The following CBFA2T2 variants were observed in gnomAD, a reference collection of about 807,000 sequenced individuals.
CBFA2T2 encodes the protein CBFA2/RUNX1 partner transcriptional co-repressor 2.
A neutral mutation model predicts 62.2 loss-of-function variants in CBFA2T2; 11 were observed. That is an observed-to-expected ratio of 0.18 (90% CI 0.11 to 0.29). The LOEUF (loss-of-function observed/expected upper bound fraction) is 0.29. Ranked by LOEUF, CBFA2T2 falls within the 10% of genes least tolerant of loss-of-function variation. The pLI is 1.00. For missense variants in CBFA2T2, 592 were observed against 774.1 expected, an observed-to-expected ratio of 0.76 and a Z score of 2.79; for synonymous variants, 295 against 287.5, an observed-to-expected ratio of 1.03 and a Z score of -0.27.
intron 1 of CBFA2T2, among the ~76,000 whole-genome samples, chr20:33,534,230 A>ACTTACCATCTATATAT (rs1486092479): frequency 1.3e-5 from 2 of 152,176 alleles, no homozygotes; most frequent in African/African-American, 4.8e-5. Context: ...ATTTTCAAGT[A>ACTTACCATCTATATAT]CTTACCATCT....
chr20:33,616,490 G>A (rs2015717587), intron 3 of CBFA2T2, among the ~76,000 whole-genome samples: 1 of 152,160 alleles, frequency 6.6e-6, no homozygotes, highest in Non-Finnish European at 1.5e-5. Context: ...CCTTTGGGAA[G>A]CCAAGTTGGA....
Position 33,640,671 on chromosome 20 carries a change from G to T in CBFA2T2, c.1488+140G>T, listed in dbSNP as rs150069573. The stretch of plus-strand genomic sequence containing the variant: ...GGATAATTTTTATCCAGTGCCAGGA[G>T]AGTTTTGGTTCTCATGCTAAGACTC... On this transcript the variant is annotated intron_variant, in intron 10 of 10. Transcript: ENST00000342704. 3,188 of 710,468 alleles carry T rather than the reference G, an allele frequency of 4.5e-3. 14 individuals are homozygous for T. The highest frequency in any genetic ancestry group is 0.012 in the Middle Eastern group (30 of 2,464). The allele number at this position is 710,468 out of a possible 1,614,324, so 44.0% of individuals were successfully genotyped here. A position where few individuals can be genotyped will look rare whatever the true frequency, so the allele number is the denominator to read the frequency against.
chr20:33,609,057 A>G (rs2015433548), intron 2 of CBFA2T2, among the ~76,000 whole-genome samples: 1 of 152,226 alleles, frequency 6.6e-6, no homozygotes, highest in Non-Finnish European at 1.5e-5. Flanking sequence ...TGAATCATTC[A>G]GCAGCATTTT....
intron 1 of CBFA2T2, among the ~76,000 whole-genome samples, chr20:33,517,234 G>C (rs896184848): frequency 6.6e-6 from 1 of 152,166 alleles, no homozygotes; most frequent in African/African-American, 2.4e-5. Flanking sequence ...GTGAAGTTCA[G>C]TTCTGTAACT....
intron 3 of CBFA2T2, among the ~76,000 whole-genome samples, chr20:33,619,204 A>G (rs6088265): frequency 1.3e-5 from 2 of 152,122 alleles, no homozygotes; most frequent in Non-Finnish European, 1.5e-5. Context: ...GCGAGACTGC[A>G]TCTCTACTAA....
intron 4 of CBFA2T2, among the ~76,000 whole-genome samples, chr20:33,619,935 T>C (rs1429545528): frequency 2.0e-5 from 3 of 152,020 alleles, no homozygotes; most frequent in Non-Finnish European, 4.4e-5. Context: ...TCACTAATCC[T>C]TTGGGTATAG....
rs3051488 is a variant in CBFA2T2, at chr20:33,534,324, TTTTG to T, written c.34+44036_34+44039del. On this transcript the variant is annotated intron_variant, in intron 1 of 10. Transcript: ENST00000342704. ...TTGTTTATTTTCTTGCTGTTGAGGT[TTTTG>T]TTTGTTTGTTTGAGACAGTCTCACT... Among the ~76,000 whole-genome samples, 11 of 151,968 alleles carry T rather than the reference TTTTG, an allele frequency of 7.2e-5. No homozygotes were observed. In the East Asian group the frequency reaches 9.6e-4, roughly 13 times the overall value.
chr20:33,534,864 T>A (rs908177346), intron 1 of CBFA2T2, among the ~76,000 whole-genome samples: 30 of 146,192 alleles, frequency 2.1e-4, no homozygotes, highest in African/African-American at 6.6e-4. Context: ...AATAGTAATA[T>A]CAAAGATCAC....
intron 1 of CBFA2T2, among the ~76,000 whole-genome samples, chr20:33,492,135 G>C (rs1050415192): frequency 3.9e-5 from 6 of 152,052 alleles, no homozygotes; most frequent in African/African-American, 1.4e-4. Flanking sequence ...ATCTGCCTCA[G>C]CCTCTCAAAG....
At chr20:33,572,619 G>C (rs1389610800) in intron 1 of CBFA2T2, among the ~76,000 whole-genome samples, 1 of 152,156 alleles carries the variant, frequency 6.6e-6, no homozygotes, top group African/African-American at 2.4e-5. Context: ...CAGTGCAAAG[G>C]CTCAATGATG....
At chr20:33,579,549 C>A (rs1416363743) in intron 1 of CBFA2T2, among the ~76,000 whole-genome samples, 1 of 148,256 alleles carries the variant, frequency 6.7e-6, no homozygotes, top group Non-Finnish European at 1.5e-5. Flanking sequence ...CAACCCATCA[C>A]GAATCTTTTT....
chr20:33,585,490 T>G (rs1025943607), intron 1 of CBFA2T2, among the ~76,000 whole-genome samples: 1 of 152,188 alleles, frequency 6.6e-6, no homozygotes, highest in Admixed American at 6.5e-5. Flanking sequence ...AATTACAATT[T>G]TTAATGCCTT....
chr20:33,532,398 A>C (rs2012086789), intron 1 of CBFA2T2, among the ~76,000 whole-genome samples: 1 of 152,208 alleles, frequency 6.6e-6, no homozygotes, highest in Non-Finnish European at 1.5e-5. Flanking sequence ...GGGGTAGGGA[A>C]TGATCTCTGA....
intron 1 of CBFA2T2, among the ~76,000 whole-genome samples, chr20:33,586,886 G>A (rs2014391533): frequency 6.6e-6 from 1 of 152,078 alleles, no homozygotes; most frequent in Non-Finnish European, 1.5e-5. Flanking sequence ...ATATTGGAGA[G>A]TTTCATAGAA....
At chr20:33,514,215 T>TG (rs1371279763) in intron 1 of CBFA2T2, among the ~76,000 whole-genome samples, 6 of 127,260 alleles carry the variant, frequency 4.7e-5, no homozygotes, top group African/African-American at 9.0e-5. Flanking sequence ...TGTTTTTTTT[T>TG]TTTTTTTTTT....
intron 1 of CBFA2T2, among the ~76,000 whole-genome samples, chr20:33,524,745 A>G (rs1298568735): frequency 6.6e-6 from 1 of 152,220 alleles, no homozygotes; most frequent in Non-Finnish European, 1.5e-5. Flanking sequence ...GCACTCAGGT[A>G]ATAGTATGGT....
At chr20:33,528,950 G>A (rs1455248107) in intron 1 of CBFA2T2, among the ~76,000 whole-genome samples, 1 of 152,194 alleles carries the variant, frequency 6.6e-6, no homozygotes, top group African/African-American at 2.4e-5. Flanking sequence ...CAATTGGCTG[G>A]TGTGAGGAAG....
In CBFA2T2 at chr20:33,504,152, G is replaced by A. The variant is rs938580291; in HGVS notation, c.34+13851G>A. ...AGTATGTAACCTTTGTGTCTGATGTGTTTCACTTACCATAATGCTTTTGAG... is the reference window on the plus strand; with the variant it reads ...AGTATGTAACCTTTGTGTCTGATGTATTTCACTTACCATAATGCTTTTGAG... On this transcript the variant is annotated intron_variant, in intron 1 of 10. Transcript: ENST00000342704. Among the ~76,000 whole-genome samples the A allele has an allele frequency of 3.3e-5, 5 of 151,870 alleles. 1 individual carries two copies. The highest frequency in any genetic ancestry group is 7.4e-5 in the Non-Finnish European group (5 of 67,992).
Position 33,623,180 on chromosome 20 carries a change from C to A in CBFA2T2, c.576C>A (p.Ser192=). 1 of 1,614,258 alleles carries A rather than the reference C, an allele frequency of 6.2e-7. No individual in the cohort carries two copies. Among genetic ancestry groups the A allele is most frequent in the Non-Finnish European group, 8.5e-7 (1 of 1,180,036 alleles). Residue 192 remains serine (S), a synonymous_variant, in exon 5 of 11, where the codon TCC becomes TCA. Coordinates refer to ENST00000342704, the MANE Select transcript of CBFA2T2 (RefSeq NM_001032999.3). ...CTCGGGCGGCCAAGCAGACCCCATCCCAGTACCTGGCTCAGCACGAACACC... is the reference window on the plus strand; with the variant it reads ...CTCGGGCGGCCAAGCAGACCCCATCACAGTACCTGGCTCAGCACGAACACC... ...HCARAAKQTP[S]QYLAQHEHLL...
Sources: gnomAD v4.1 joint callset for allele counts (sites outside exome capture counted in the v4.1 genomes callset) on GRCh38, gnomAD v4.1.1 for gene constraint, MANE v1.5 for transcripts, NCBI Gene and HGNC (gene_info 2026-07-23, HGNC 2026-07-21) for gene names.